DACH2: variants seen among roughly 807,000 people sequenced by gnomAD.
DACH2 encodes dachshund homolog 2.
A neutral mutation model predicts 35.8 loss-of-function variants in DACH2; 17 were observed. The ratio of observed to expected loss-of-function variants is 0.48; its 90% confidence interval spans 0.33 to 0.71. The LOEUF is 0.71. Ranked by LOEUF, DACH2 falls within the 30% of genes least tolerant of loss-of-function variation. The probability of loss-of-function intolerance (pLI) is 0.02; values close to 1 mark genes in which losing one functional copy is unlikely to be tolerated. For missense variants in DACH2, 469 were observed against 472.7 expected (o/e 0.99, Z 0.07); for synonymous variants, 195 against 177.3 (o/e 1.10, Z -0.79).
chrX:86,816,145 C>A (rs767399031), intron 11 of DACH2, 46 bp downstream of exon 11: 20 of 932,906 alleles, frequency 2.1e-5, no homozygotes, highest in Non-Finnish European at 2.6e-5. Flanking sequence ...TAATATGTGA[C>A]CCCTGGGGAT....
At chrX:86,686,817 C>T (rs1456905153) in intron 4 of DACH2, among the ~76,000 whole-genome samples, 1 of 111,942 alleles carries the variant, frequency 8.9e-6, no homozygotes, top group African/African-American at 3.2e-5. Context: ...GCCTTCATCA[C>T]TTGTGATACA....
intron 1 of DACH2, among the ~76,000 whole-genome samples, chrX:86,304,174 G>T (rs1413893982): frequency 9.0e-6 from 1 of 111,664 alleles, no homozygotes; most frequent in African/African-American, 3.3e-5. Flanking sequence ...TCCACATGTA[G>T]AAGAATGGAA....
chrX:86,213,096 A>C (rs2147915440), intron 1 of DACH2, among the ~76,000 whole-genome samples: 1 of 111,504 alleles, frequency 9.0e-6, no homozygotes, highest in African/African-American at 3.2e-5. Context: ...GAAAATATAA[A>C]TAAACGGCAT....
chrX:86,792,252 A>G (rs1347367425), intron 7 of DACH2, among the ~76,000 whole-genome samples: 1 of 111,743 alleles, frequency 8.9e-6, no homozygotes, highest in African/African-American at 3.2e-5. Flanking sequence ...ATTGATATAT[A>G]ATATTTGTAT....
intron 1 of DACH2, among the ~76,000 whole-genome samples, chrX:86,214,059 G>A (rs1377058390): frequency 1.8e-5 from 2 of 109,677 alleles, no homozygotes; most frequent in East Asian, 2.9e-4. Context: ...ATTTTTTTCC[G>A]AATTTTCCTC....
At chrX:86,333,250 A>G (rs943726597) in intron 1 of DACH2, among the ~76,000 whole-genome samples, 5 of 112,437 alleles carry the variant, frequency 4.4e-5, no homozygotes, top group African/African-American at 1.6e-4. Context: ...AATGAAATAC[A>G]GCTTAAAAGA....
chrX:86,527,531 C>A (rs2038651843), intron 3 of DACH2, among the ~76,000 whole-genome samples: 1 of 112,256 alleles, frequency 8.9e-6, no homozygotes, highest in African/African-American at 3.2e-5. Flanking sequence ...ATAGTTCATT[C>A]ATTTTTATTG....
At chrX:86,347,175 A>T (rs778319029) in intron 1 of DACH2, among the ~76,000 whole-genome samples, 9 of 112,359 alleles carry the variant, frequency 8.0e-5, no homozygotes, top group Non-Finnish European at 1.7e-4. Context: ...GAAATTGTTT[A>T]AAACAATAAC....
At chrX:86,517,484 T>C (rs928555938) in intron 3 of DACH2, among the ~76,000 whole-genome samples, 6 of 106,467 alleles carry the variant, frequency 5.6e-5, no homozygotes, top group Admixed American at 1.0e-4. Flanking sequence ...TGGTGCAATC[T>C]CGGCTCACTG....
chrX:86,310,721 T>C (rs2034783467), intron 1 of DACH2, among the ~76,000 whole-genome samples: 1 of 111,073 alleles, frequency 9.0e-6, no homozygotes, highest in Non-Finnish European at 1.9e-5. Context: ...GGAAAATTGG[T>C]GACAAAGAAA....
intron 3 of DACH2, among the ~76,000 whole-genome samples, chrX:86,555,282 G>A (rs376869353): frequency 1.8e-5 from 2 of 111,756 alleles, no homozygotes; most frequent in African/African-American, 6.5e-5. Flanking sequence ...AAATGTAAAA[G>A]TAATGAGTTT....
chrX:86,326,214 C>G (rs1480366410), intron 1 of DACH2, among the ~76,000 whole-genome samples: 1 of 110,624 alleles, frequency 9.0e-6, no homozygotes, highest in Non-Finnish European at 1.9e-5. Context: ...CGGTGGCTCA[C>G]GCCTGTGATC....
At chrX:86,227,544 G>A in intron 1 of DACH2, among the ~76,000 whole-genome samples, 1 of 110,773 alleles carries the variant, frequency 9.0e-6, no homozygotes, top group South Asian at 3.8e-4. Context: ...GAGCTAGCTT[G>A]TTTCTTGAAA....
At chrX:86,289,305 G>A (rs372857870) in intron 1 of DACH2, among the ~76,000 whole-genome samples, 35 of 106,922 alleles carry the variant, frequency 3.3e-4, no homozygotes, top group African/African-American at 1.2e-3. Context: ...TCAAGCAGAA[G>A]GATGGGGTAT....
rs908633988 is a variant in DACH2 at position 86,641,335 on chromosome X, C to T, written c.641-9701C>T. 5.4e-5 allele frequency among the ~76,000 whole-genome samples: 6 copies of T among 111,684 alleles called. No individual in the cohort carries two copies. The East Asian group carries it at 1.7e-3, about 31-fold the overall frequency. ...TCACAAGTGTCAGCAGCAGAATAAA[C>T]CAAGTTGATAAAAGAATCCTGGAAC... On this transcript the variant is annotated intron_variant, in intron 3 of 11. Transcript: ENST00000373125.
chrX:86,179,276 C>T (rs774727434), intron 1 of DACH2, among the ~76,000 whole-genome samples: 3 of 112,294 alleles, frequency 2.7e-5, no homozygotes, highest in Non-Finnish European at 5.6e-5. Flanking sequence ...AATATCTCAG[C>T]CCCCCAGGCT....
intron 7 of DACH2, among the ~76,000 whole-genome samples, chrX:86,757,049 C>T (rs182634870): frequency 2.3e-4 from 26 of 111,399 alleles, no homozygotes; most frequent in African/African-American, 7.8e-4. Flanking sequence ...GTTGAACTAT[C>T]GTTACATACC....
chrX:86,410,610 A>G (rs961295234), intron 2 of DACH2, among the ~76,000 whole-genome samples: 1 of 110,927 alleles, frequency 9.0e-6, no homozygotes, highest in Non-Finnish European at 1.9e-5. Context: ...GGGAATTAAA[A>G]AACTAATGCT....
chrX:86,808,264 A>C (rs772894622), intron 7 of DACH2, among the ~76,000 whole-genome samples: 1 of 112,065 alleles, frequency 8.9e-6, no homozygotes, highest in Non-Finnish European at 1.9e-5. Context: ...CTGAATTCCA[A>C]TACATGATTT....
Sources: gnomAD v4.1 joint callset for allele counts (sites outside exome capture counted in the v4.1 genomes callset) on GRCh38, gnomAD v4.1.1 for gene constraint, MANE v1.5 for transcripts, NCBI Gene and HGNC (gene_info 2026-07-23, HGNC 2026-07-21) for gene names.